The following PATJ variants were observed in gnomAD, a reference collection of about 807,000 sequenced individuals.
PATJ encodes PATJ crumbs cell polarity complex component, also known as inaD-like protein.
A neutral mutation model predicts 224.9 loss-of-function variants in PATJ; 190 were observed. That is an observed-to-expected ratio of 0.84 (90% confidence interval 0.75 to 0.95). PATJ has a LOEUF of 0.95. Among genes scored for constraint, PATJ ranks in the 40% least tolerant of loss-of-function variants. PATJ has a pLI of 0.00. For missense variants in PATJ, 2,121 were observed against 2,270.3 expected (o/e 0.93, Z 1.34); for synonymous variants, 769 against 820.3 (o/e 0.94, Z 1.07).
intron 31 of PATJ, among the ~76,000 whole-genome samples, chr1:62,055,264 T>C (rs1355201395): frequency 1.3e-5 from 2 of 152,190 alleles, no homozygotes; most frequent in African/African-American, 4.8e-5. Context: ...CATGATGTCC[T>C]GGTAGCTTGC....
chr1:62,157,007 T>C (rs549582382), intron 43 of PATJ, among the ~76,000 whole-genome samples: 1 of 151,138 alleles, frequency 6.6e-6, no homozygotes, highest in South Asian at 2.1e-4. Context: ...AATGTGTAAC[T>C]CAGTATCAGA....
intron 27 of PATJ, among the ~76,000 whole-genome samples, chr1:61,985,289 C>T (rs569389742): frequency 4.0e-5 from 6 of 150,508 alleles, no homozygotes; most frequent in Non-Finnish European, 7.4e-5. Context: ...TCCAGCCTGG[C>T]GACAGAGCAA....
At chr1:62,041,965 C>T (rs552386395) in intron 30 of PATJ, among the ~76,000 whole-genome samples, 62 of 151,008 alleles carry the variant, frequency 4.1e-4, no homozygotes, top group South Asian at 2.5e-3. Context: ...CCAGCCTGGG[C>T]GACAGAGAAA....
chr1:61,863,562 T>G (rs1361655956), intron 19 of PATJ, among the ~76,000 whole-genome samples: 1 of 152,196 alleles, frequency 6.6e-6, no homozygotes, highest in Non-Finnish European at 1.5e-5. Context: ...TGCCAGGTTT[T>G]AGCCAGGAAC....
chr1:62,136,941 G>A (rs1048968101), intron 41 of PATJ, among the ~76,000 whole-genome samples: 10 of 152,196 alleles, frequency 6.6e-5, no homozygotes, highest in East Asian at 1.9e-4. Context: ...ATCTTCTTTC[G>A]CAGGAACCTT....
At chr1:61,900,750 C>T (rs1385440648) in intron 23 of PATJ, among the ~76,000 whole-genome samples, 4 of 152,068 alleles carry the variant, frequency 2.6e-5, no homozygotes, top group East Asian at 1.9e-4. Flanking sequence ...CCACTACGCC[C>T]GGCTAATTTT....
At chr1:62,009,343 A>C (rs1241889867) in intron 28 of PATJ, among the ~76,000 whole-genome samples, 1 of 152,190 alleles carries the variant, frequency 6.6e-6, no homozygotes, top group Non-Finnish European at 1.5e-5. Flanking sequence ...TGTTTCCCGC[A>C]TATGTGAAAG....
At chr1:62,083,923 A>G (rs1380177207) in intron 32 of PATJ, among the ~76,000 whole-genome samples, 1 of 151,976 alleles carries the variant, frequency 6.6e-6, no homozygotes, top group Non-Finnish European at 1.5e-5. Flanking sequence ...AATCATTGTA[A>G]TTTTTCCATA....
At chr1:62,089,229 T>C (rs1007154249) in intron 33 of PATJ, among the ~76,000 whole-genome samples, 22 of 152,146 alleles carry the variant, frequency 1.4e-4, no homozygotes, top group Admixed American at 1.4e-3. Context: ...CTGAACGAGA[T>C]GTGTCTTCTG....
intron 41 of PATJ, among the ~76,000 whole-genome samples, chr1:62,137,412 C>T (rs1435608189): frequency 1.2e-5 from 1 of 81,146 alleles, no homozygotes; most frequent in East Asian, 3.6e-4. Flanking sequence ...TGAGGGGGAA[C>T]AGCAGCCTGA....
chr1:61,846,428 G>C (rs72674663), intron 17 of PATJ, among the ~76,000 whole-genome samples: 7,464 of 152,216 alleles, frequency 0.049, 222 homozygotes, highest in Non-Finnish European at 0.065. Context: ...TCATAATACA[G>C]TTTCAACTAA....
At chr1:61,944,030 C>T (rs953294004) in intron 27 of PATJ, among the ~76,000 whole-genome samples, 3 of 152,148 alleles carry the variant, frequency 2.0e-5, no homozygotes, top group Non-Finnish European at 2.9e-5. Flanking sequence ...GGAAAACTAA[C>T]AAACAGAAAG....
At chr1:61,911,310 T>G (rs1672603778) in intron 25 of PATJ, among the ~76,000 whole-genome samples, 1 of 152,170 alleles carries the variant, frequency 6.6e-6, no homozygotes, top group Non-Finnish European at 1.5e-5. Flanking sequence ...GCCACCCGGA[T>G]TCAAGTAATT....
At chr1:62,066,481 TCAAG>T (rs1435153155) in intron 31 of PATJ, among the ~76,000 whole-genome samples, 2 of 151,818 alleles carry the variant, frequency 1.3e-5, no homozygotes, top group African/African-American at 4.8e-5. Flanking sequence ...CCTCCTGGGC[TCAAG>T]CAGTCTTCCT....
chr1:62,005,633 C>G (rs1646047129), intron 28 of PATJ, among the ~76,000 whole-genome samples: 1 of 152,094 alleles, frequency 6.6e-6, no homozygotes, highest in South Asian at 2.1e-4. Context: ...TGGCACACAC[C>G]TGTAGTCCTA....
At chr1:62,155,514 G>A (rs1230755175) in intron 43 of PATJ, among the ~76,000 whole-genome samples, 1 of 152,150 alleles carries the variant, frequency 6.6e-6, no homozygotes. Context: ...GACAAGAGTA[G>A]TGGGAATAAA....
At chr1:62,020,205 A>G (rs1434506135) in intron 29 of PATJ, among the ~76,000 whole-genome samples, 2 of 152,138 alleles carry the variant, frequency 1.3e-5, no homozygotes, top group African/African-American at 4.8e-5. Flanking sequence ...ATGAGAAGAT[A>G]TATGTAGCAC....
intron 20 of PATJ, among the ~76,000 whole-genome samples, chr1:61,874,826 A>G (rs1276775615): frequency 1.3e-5 from 2 of 152,262 alleles, no homozygotes; most frequent in Non-Finnish European, 2.9e-5. Context: ...ACAAACGCTT[A>G]TAGATATGAA....
At chr1:61,881,879 A>T (rs1425463260) in intron 21 of PATJ, among the ~76,000 whole-genome samples, 1 of 152,184 alleles carries the variant, frequency 6.6e-6, no homozygotes, top group Non-Finnish European at 1.5e-5. Flanking sequence ...CGTAGAATGG[A>T]CCGTGGGATG....
Sources: allele counts gnomAD v4.1 joint callset (sites outside exome capture counted in the v4.1 genomes callset), GRCh38; gene constraint gnomAD v4.1.1; transcripts MANE v1.5; gene names NCBI Gene and HGNC (gene_info 2026-07-23, HGNC 2026-07-21).